The following ALK variants were observed in gnomAD, a reference collection of about 807,000 sequenced individuals.
ALK encodes ALK receptor tyrosine kinase, also known as ALK tyrosine kinase receptor.
In ALK, 74 loss-of-function variants were observed where a neutral mutation model predicts 163.1. The observed-to-expected ratio is 0.45, with a 90% CI of 0.38 to 0.55. The LOEUF is 0.55. ALK is among the 20% of genes least tolerant of loss of function. The pLI is 0.00. For synonymous variants in ALK, 960 were observed against 843.2 expected, an observed-to-expected ratio of 1.14 and a Z score of -2.40; for missense variants, 2,063 against 2,105.3, an observed-to-expected ratio of 0.98 and a Z score of 0.39.
intron 1 of ALK, among the ~76,000 whole-genome samples, chr2:29,816,134 T>C (rs944414548): frequency 6.6e-6 from 1 of 152,206 alleles, no homozygotes; most frequent in African/African-American, 2.4e-5. Flanking sequence ...GAAGATAAAG[T>C]ATTTTTAACA....
intron 11 of ALK, among the ~76,000 whole-genome samples, chr2:29,263,491 G>C (rs1426447703): frequency 1.3e-5 from 2 of 152,062 alleles, no homozygotes. Flanking sequence ...CCGACTTCTG[G>C]GTCTAGGTCC....
At chr2:29,733,854 G>T (rs987925664) in intron 1 of ALK, among the ~76,000 whole-genome samples, 1 of 152,102 alleles carries the variant, frequency 6.6e-6, no homozygotes, top group Non-Finnish European at 1.5e-5. Flanking sequence ...CGACAGGAGG[G>T]GTTGGAGGAG....
chr2:29,830,712 TTAAAAAAAAAA>T (rs773939305), intron 1 of ALK, among the ~76,000 whole-genome samples: 20,101 of 63,472 alleles, frequency 0.32, 4,699 homozygotes, highest in East Asian at 0.42. Context: ...CTAAAATAGT[TTAAAAAAAAAA>T]AAAAAAAAAA....
intron 5 of ALK, among the ~76,000 whole-genome samples, chr2:29,340,170 T>A (rs1220604538): frequency 6.6e-6 from 1 of 152,262 alleles, no homozygotes; most frequent in Non-Finnish European, 1.5e-5. Context: ...GTAACCATTC[T>A]GCACCATACC....
intron 12 of ALK, among the ~76,000 whole-genome samples, chr2:29,244,149 A>T (rs1262071144): frequency 2.6e-5 from 4 of 152,226 alleles, no homozygotes; most frequent in Non-Finnish European, 5.9e-5. Flanking sequence ...GCCGCTCAGA[A>T]AAACAGAAGC....
chr2:29,844,608 C>A (rs367809232), intron 1 of ALK, among the ~76,000 whole-genome samples: 1 of 152,090 alleles, frequency 6.6e-6, no homozygotes, highest in African/African-American at 2.4e-5. Flanking sequence ...TCACAATCTT[C>A]TGAAGGTTAG....
rs1664285138 is a variant in ALK at position 29,233,676 on chromosome 2, T to C, written c.2376A>G (p.Lys792=). 8 of 1,614,254 alleles carry C rather than the reference T, an allele frequency of 5.0e-6. No individual in the cohort carries two copies. In the East Asian group the frequency reaches 1.6e-4, roughly 31 times the overall value. The change falls in exon 14 of 29, where the codon AAA becomes AAG. Residue 792 remains lysine, a synonymous_variant. Coordinates refer to ENST00000389048, the MANE Select transcript of ALK (RefSeq NM_004304.5). ...TCACATTGTTCTCTCCAATGCAGAC[T>C]TTCTGGATTAACTGGTTTGTCTGTA... ...ACPSTNQLIQ[K]VCIGENNVIE...
chr2:29,540,367 C>T (rs1191071608), intron 3 of ALK, among the ~76,000 whole-genome samples: 1 of 152,026 alleles, frequency 6.6e-6, no homozygotes, highest in East Asian at 1.9e-4. Flanking sequence ...GGCTTTCTAG[C>T]CTCGAGGTTT....
intron 23 of ALK, among the ~76,000 whole-genome samples, chr2:29,220,276 TC>T (rs1285620656): frequency 2.6e-5 from 4 of 151,924 alleles, no homozygotes; most frequent in African/African-American, 9.7e-5. Context: ...GTACAGCGCT[TC>T]CCCCTTCATT....
In ALK at chr2:29,383,745, C is replaced by G. The variant is rs1370402590; in HGVS notation, c.1269G>C (p.Lys423Asn). ...AGATTCAGATACCTTCACTGCAGTT[C>G]TTCAGGGCAAAGAAGTCCACTGCAG... Reference protein sequence around the residue: ...SLSAVDFFALKNCSEGTSPGS... With the variant: ...SLSAVDFFALNNCSEGTSPGS... The change falls in exon 5 of 29, where the codon AAG becomes AAC. Residue 423 changes from lysine to asparagine, a missense_variant. By Grantham distance (94) the Lys-to-Asn change is moderately conservative (BLOSUM62 0). Coordinates refer to ENST00000389048, the MANE Select transcript of ALK (RefSeq NM_004304.5). 6.2e-7 allele frequency: 1 copy of G among 1,614,006 alleles called. No individual in the cohort carries two copies. The highest frequency in any genetic ancestry group is 1.3e-5 in the African/African-American group (1 of 74,920).
chr2:29,525,448 A>T (rs1672932246), intron 4 of ALK, among the ~76,000 whole-genome samples: 1 of 152,162 alleles, frequency 6.6e-6, no homozygotes, highest in Admixed American at 6.5e-5. Context: ...CTTTCTAAAC[A>T]TACATATGCT....
intron 4 of ALK, among the ~76,000 whole-genome samples, chr2:29,522,843 T>C (rs966467167): frequency 6.6e-6 from 1 of 152,172 alleles, no homozygotes; most frequent in Admixed American, 6.5e-5. Flanking sequence ...ATGCACAGAT[T>C]GTCCATATAG....
intron 9 of ALK, chr2:29,286,569 G>A (rs1315552237): frequency 6.6e-6 from 1 of 152,144 alleles, no homozygotes. Context: ...TCCAAGTTTG[G>A]AAACCATCGT....
intron 4 of ALK, among the ~76,000 whole-genome samples, chr2:29,497,723 A>G (rs1672066896): frequency 6.6e-6 from 1 of 152,230 alleles, no homozygotes; most frequent in Non-Finnish European, 1.5e-5. Flanking sequence ...TATTCTGCTC[A>G]CATGGGAACT....
At chr2:29,383,378 A>G (rs926581103) in intron 5 of ALK, among the ~76,000 whole-genome samples, 1 of 151,416 alleles carries the variant, frequency 6.6e-6, no homozygotes, top group East Asian at 1.9e-4. Flanking sequence ...GTGCAACGGC[A>G]CAATCTTGGC....
chr2:29,861,076 G>A (rs1435219623), intron 1 of ALK, among the ~76,000 whole-genome samples: 2 of 152,164 alleles, frequency 1.3e-5, no homozygotes, highest in African/African-American at 4.8e-5. Flanking sequence ...GGGGGCTGCG[G>A]TGGGATGATC....
chr2:29,759,050 A>G (rs1680625039), intron 1 of ALK, among the ~76,000 whole-genome samples: 1 of 152,132 alleles, frequency 6.6e-6, no homozygotes, highest in Non-Finnish European at 1.5e-5. Flanking sequence ...TATTTATTAA[A>G]CGCAGTTCTT....
chr2:29,814,114 A>AAAATAGCT (rs1386029723), intron 1 of ALK, among the ~76,000 whole-genome samples: 1 of 152,156 alleles, frequency 6.6e-6, no homozygotes. Flanking sequence ...GAAAATAACA[A>AAAATAGCT]AAATAGCTAA....
chr2:29,896,741 T>C (rs1667282753), intron 1 of ALK, among the ~76,000 whole-genome samples: 1 of 152,154 alleles, frequency 6.6e-6, no homozygotes, highest in African/African-American at 2.4e-5. Flanking sequence ...ACAATAAAAG[T>C]TCATTGTAAG....
Sources: gnomAD v4.1 joint callset for allele counts (sites outside exome capture counted in the v4.1 genomes callset) on GRCh38, gnomAD v4.1.1 for gene constraint, MANE v1.5 for transcripts, NCBI Gene and HGNC (gene_info 2026-07-23, HGNC 2026-07-21) for gene names.